Variants in ZBTB45 observed in about 807,000 individuals in gnomAD.
The protein encoded by ZBTB45 is zinc finger and BTB domain containing 45, also known as zinc finger and BTB domain-containing protein 45.
Under a neutral mutation model 28.4 loss-of-function variants are expected in ZBTB45, and 22 were observed. The observed-to-expected ratio is 0.77, with a 90% CI of 0.55 to 1.10. The LOEUF (loss-of-function observed/expected upper bound fraction) is 1.10, where lower values mean the gene tolerates loss of function less well. Among genes scored for constraint, ZBTB45 ranks in the 50% least tolerant of loss-of-function variants. The pLI, the probability that ZBTB45 is intolerant of heterozygous loss-of-function variation, is 0.00. For synonymous variants in ZBTB45, 361 were observed against 332.3 expected, an observed-to-expected ratio of 1.09 and a Z score of -0.94; for missense variants, 656 against 750.2, an observed-to-expected ratio of 0.87 and a Z score of 1.47.
At chr19:58,529,888 C>G (rs893628024) in intron 1 of ZBTB45, among the ~76,000 whole-genome samples, 2 of 152,106 alleles carry the variant, frequency 1.3e-5, no homozygotes, top group African/African-American at 4.8e-5. Context: ...ATTAGTACTT[C>G]CTTTTTATGG....
chr19:58,538,326 C>CTA (rs1219380444), intron 1 of ZBTB45, among the ~76,000 whole-genome samples: 11 of 152,198 alleles, frequency 7.2e-5, no homozygotes, highest in African/African-American at 2.4e-4. Flanking sequence ...GATCTCAACG[C>CTA]GTCAGCCTCT....
At chr19:58,525,709 G>A (rs565351535) in intron 1 of ZBTB45, among the ~76,000 whole-genome samples, 2 of 152,332 alleles carry the variant, frequency 1.3e-5, no homozygotes, top group East Asian at 1.9e-4. Context: ...ACAAAGGCAG[G>A]TGGGGGCAAG....
rs2053495857 is a variant in ZBTB45 at position 58,516,473 on chromosome 19, G to A, written c.1201C>T (p.Pro401Ser). 2.5e-6 allele frequency: 4 copies of A among 1,613,948 alleles called. No individual in the cohort carries two copies. The highest frequency in any genetic ancestry group is 2.5e-6 in the Non-Finnish European group (3 of 1,179,868). Reference sequence around the variant, plus strand: ...CGACAGTGGCTGCACTCATACGTAGGTGGCTCAGCACCTGGGGTGCGAGCA... The same window carrying A: ...CGACAGTGGCTGCACTCATACGTAGATGGCTCAGCACCTGGGGTGCGAGCA... The part of the protein sequence containing the change: ...TPARTPGAEP[P>S]TYECSHCRKT... Residue 401 changes from proline (P) to serine (S), a missense_variant, in exon 2 of 3, where the codon CCT becomes TCT. Pro to Ser is a moderately conservative substitution (Grantham distance 74, BLOSUM62 -1). Transcript: ENST00000594051. This position sits in a 1 kb window ranked among gnomAD's most constrained non-coding sequence, Gnocchi z 6.2.
In ZBTB45 at chr19:58,514,213, G is replaced by A. The variant is rs561662570; in HGVS notation, c.1377C>T (p.Phe459=). 73 of 1,612,664 alleles carry A rather than the reference G, an allele frequency of 4.5e-5. No homozygotes were observed. In the South Asian group the frequency reaches 6.4e-4, roughly 14 times the overall value. ...AGCGCTTGGCGCAGACGGCGCACTG[G>A]AAGGCGCGCACGCCGGTGTGCGTGA... The part of the protein sequence containing the change: ...HMVTHTGVRA[F]QCAVCAKRFT... The change falls in exon 3 of 3, where the codon TTC becomes TTT. Residue 459 remains phenylalanine (F), a synonymous_variant. Coordinates refer to ENST00000594051, the MANE Select transcript of ZBTB45 (RefSeq NM_001316979.2).
At position 58,514,064 on chromosome 19, in the gene ZBTB45, G is replaced by T; in HGVS notation, c.1526C>A (p.Pro509His). Reference protein sequence around the residue: ...ALLERHLAAHPAP With the variant: ...ALLERHLAAHHAP ...CAGGCCCCAGCGCCATCAGGGCGCA[G>T]GGTGCGCCGCCAGGTGGCGCTCCAG... The change falls in exon 3 of 3, where the codon CCT (proline) becomes CAT (histidine). Residue 509 changes from proline (P) to histidine (H), a missense_variant. This residue lies in a region of ZBTB45 where 103 missense variants were observed against 153.5 expected (regional missense o/e 0.67). Transcript: ENST00000594051. The T allele has an allele frequency of 1.3e-6, 2 of 1,490,966 alleles. No homozygotes were observed. The highest frequency in any genetic ancestry group is 1.8e-6 in the Non-Finnish European group (2 of 1,125,946). The allele number at this position is 1,490,966 out of a possible 1,614,324, so 92.4% of individuals were successfully genotyped here. A position where few individuals can be genotyped will look rare whatever the true frequency, so the allele number is the denominator to read the frequency against.
chr19:58,533,370 T>G (rs985937660), intron 1 of ZBTB45, among the ~76,000 whole-genome samples: 1 of 152,142 alleles, frequency 6.6e-6, no homozygotes, highest in African/African-American at 2.4e-5. Context: ...ATACGAATTT[T>G]AGAGGACACA....
intron 1 of ZBTB45, among the ~76,000 whole-genome samples, chr19:58,525,498 T>C (rs1177742451): frequency 6.6e-6 from 1 of 151,632 alleles, no homozygotes; most frequent in African/African-American, 2.4e-5. Context: ...CCGTGTGAGG[T>C]GTGAAGGGGC....
chr19:58,534,951 G>A (rs888891768), intron 1 of ZBTB45, among the ~76,000 whole-genome samples: 3 of 151,576 alleles, frequency 2.0e-5, no homozygotes, highest in Non-Finnish European at 2.9e-5. Flanking sequence ...CGCCTCCTGG[G>A]TTCAAGCAAT....
chr19:58,529,799 C>G (rs990816613), intron 1 of ZBTB45, among the ~76,000 whole-genome samples: 2 of 152,122 alleles, frequency 1.3e-5, no homozygotes, highest in Non-Finnish European at 2.9e-5. Context: ...ATAAATGGAA[C>G]CATACAATAT....
intron 1 of ZBTB45, among the ~76,000 whole-genome samples, chr19:58,534,391 A>C (rs1168542061): frequency 1.3e-5 from 2 of 151,798 alleles, no homozygotes. Context: ...GAATATTATT[A>C]TTATTATTAT....
chr19:58,533,173 T>C (rs2053643254), intron 1 of ZBTB45, among the ~76,000 whole-genome samples: 1 of 152,226 alleles, frequency 6.6e-6, no homozygotes, highest in Admixed American at 6.5e-5. Context: ...GGTTTCACCA[T>C]GTTGGCCAGG....
At chr19:58,528,599 A>G (rs1033218788) in intron 1 of ZBTB45, among the ~76,000 whole-genome samples, 6 of 152,160 alleles carry the variant, frequency 3.9e-5, no homozygotes, top group African/African-American at 1.4e-4. Context: ...ATCTCTACTA[A>G]AAATACAAAA....
intron 1 of ZBTB45, among the ~76,000 whole-genome samples, chr19:58,529,243 C>A (rs2053623934): frequency 6.6e-6 from 1 of 152,118 alleles, no homozygotes; most frequent in Admixed American, 6.6e-5. Flanking sequence ...AATATGAGAG[C>A]AGCCTGAGCA....
chr19:58,525,997 G>T (rs1008851427), intron 1 of ZBTB45, among the ~76,000 whole-genome samples: 10 of 152,134 alleles, frequency 6.6e-5, no homozygotes, highest in African/African-American at 2.4e-4. Flanking sequence ...GGAGGCCGAG[G>T]CAGGCAGATC....
upstream of ZBTB45, among the ~76,000 whole-genome samples, chr19:58,523,621 GC>G (rs373461081): frequency 1 from 150,886 of 150,902 alleles, 75,435 homozygotes; most frequent in East Asian, 1. Context: ...CCAGAGATCA[GC>G]TGTCATTGCA....
intron 1 of ZBTB45, among the ~76,000 whole-genome samples, chr19:58,531,282 C>T (rs978754007): frequency 1.3e-5 from 2 of 152,108 alleles, no homozygotes; most frequent in Non-Finnish European, 2.9e-5. Context: ...CTTTGAACCT[C>T]GTCTCCTTCT....
rs2053478961 is a variant in ZBTB45, at chr19:58,515,353, C to T, written c.1279+1042G>A. On this transcript the variant is annotated intron_variant, in intron 2 of 2. Transcript: ENST00000594051. The surrounding 1 kb of genome is among the most constrained non-coding windows in gnomAD (Gnocchi z 4.7). ...AAAAAAAAAAACCCTATCTCAGTGG[C>T]AGTGGACTGAAAGGCAGTGCCTGCC... 2.0e-5 allele frequency among the ~76,000 whole-genome samples: 3 copies of T among 151,576 alleles called. No individual in the cohort carries two copies. Among genetic ancestry groups the T allele is most frequent in the Admixed American group, 2.0e-4 (3 of 15,240 alleles).
At chr19:58,524,550 C>T (rs1269881699), upstream of ZBTB45, among the ~76,000 whole-genome samples, 1 of 150,148 alleles carries the variant, frequency 6.7e-6, no homozygotes, top group Non-Finnish European at 1.5e-5. Flanking sequence ...ACAGGTTTGA[C>T]AAGCTAGGGA....
intron 1 of ZBTB45, chr19:58,518,869 C>G (rs2053549234): frequency 6.6e-6 from 1 of 152,200 alleles, no homozygotes; most frequent in Non-Finnish European, 1.5e-5. Flanking sequence ...GTGGGCTCGG[C>G]TTGATGCTGC....
Sources: allele counts gnomAD v4.1 joint callset (sites outside exome capture counted in the v4.1 genomes callset), GRCh38; gene constraint gnomAD v4.1.1; regional missense constraint gnomAD v4.1.1; non-coding constraint Gnocchi (gnomAD v3.1); transcripts MANE v1.5; gene names NCBI Gene and HGNC (gene_info 2026-07-23, HGNC 2026-07-21).